Variants in UBE3C observed in about 807,000 individuals in gnomAD.
UBE3C encodes ubiquitin protein ligase E3C.
UBE3C carries 42 observed loss-of-function variants against 129.4 expected under a neutral mutation model. The ratio of observed to expected loss-of-function variants is 0.32; its 90% CI spans 0.25 to 0.42. UBE3C has a LOEUF of 0.42. Ranked by LOEUF, UBE3C falls within the 10% of genes least tolerant of loss-of-function variation. UBE3C has a pLI of 1.00. For missense variants in UBE3C, 1,049 were observed against 1,319.1 expected (o/e 0.80, Z 3.17); for synonymous variants, 510 against 492.4 (o/e 1.04, Z -0.47).
chr7:157,220,642 G>A (rs750306021), intron 14 of UBE3C, 47 bp from the exon 15 acceptor site: 16 of 1,605,654 alleles, frequency 1.0e-5, no homozygotes, highest in Non-Finnish European at 1.4e-5. Flanking sequence ...AGGTCAAAGT[G>A]TGTGCTAGAG....
rs75036909 is a variant in UBE3C, at chr7:157,255,442, T to C, written c.2950+1132T>C. ...TGTATCCATGCGTATGTATCTCTTA[T>C]CTGTAGTTTGCATTGTCCTACATCT... On this transcript the variant is annotated intron_variant, in intron 21 of 22. Transcript: ENST00000348165. Among the ~76,000 whole-genome samples, 289 of 152,368 alleles carry C rather than the reference T, an allele frequency of 1.9e-3. 1 individual carries two copies. The highest frequency in any genetic ancestry group is 6.8e-3 in the African/African-American group (281 of 41,590).
chr7:157,148,748 T>C (rs1427214552), intron 1 of UBE3C, among the ~76,000 whole-genome samples: 1 of 151,266 alleles, frequency 6.6e-6, no homozygotes, highest in East Asian at 1.9e-4. Flanking sequence ...TTTTTTTTTT[T>C]TCCTTTAAGA....
At chr7:157,179,069 T>C (rs942683725) in intron 6 of UBE3C, among the ~76,000 whole-genome samples, 8 of 151,774 alleles carry the variant, frequency 5.3e-5, no homozygotes, top group Non-Finnish European at 1.0e-4. Flanking sequence ...GCTACTCTCT[T>C]TGCCTTTTTC....
intron 22 of UBE3C, among the ~76,000 whole-genome samples, chr7:157,266,761 G>T (rs777021421): frequency 5.3e-5 from 8 of 152,148 alleles, no homozygotes; most frequent in Non-Finnish European, 1.0e-4. Flanking sequence ...TATAGACAGG[G>T]TCTCACTGTG....
chr7:157,192,617 C>G, intron 10 of UBE3C: 1 of 765,182 alleles, frequency 1.3e-6, no homozygotes, highest in Non-Finnish European at 2.4e-6. Flanking sequence ...AGGAGTCTTA[C>G]CCCACTCCCA....
chr7:157,169,227 A>G (rs1252956430), intron 3 of UBE3C, 105 bp downstream of exon 3: 1 of 723,774 alleles, frequency 1.4e-6, no homozygotes, highest in African/African-American at 1.8e-5. Context: ...TGACAGTAGT[A>G]TTCTTCCCAA....
At position 157,269,034 on chromosome 7, in the gene UBE3C, A is replaced by G. The variant is rs1056688082; in HGVS notation, c.*1279A>G. 7.2e-5 allele frequency: 11 copies of G among 152,758 alleles called. No individual in the cohort carries two copies. The highest frequency in any genetic ancestry group is 2.4e-4 in the African/African-American group (10 of 41,570). The allele number at this position is 152,758 out of a possible 1,614,324, so 9.5% of individuals were successfully genotyped here. On this transcript the variant is annotated 3_prime_UTR_variant, in exon 23 of 23. Transcript: ENST00000348165. The stretch of plus-strand genomic sequence containing the variant: ...TATACTTTTAAAGTGGGAAAGCTGA[A>G]TGACACTTTTAAGACAATGAACATT...
chr7:157,233,910 T>C (rs1229566547), intron 18 of UBE3C, among the ~76,000 whole-genome samples: 1 of 152,238 alleles, frequency 6.6e-6, no homozygotes, highest in African/African-American at 2.4e-5. Context: ...TGGGAATTGG[T>C]ATCTCATTGT....
intron 1 of UBE3C, among the ~76,000 whole-genome samples, chr7:157,162,444 C>T (rs756497609): frequency 1.2e-4 from 19 of 152,156 alleles, no homozygotes; most frequent in African/African-American, 4.1e-4. Flanking sequence ...CTGCCCGCCT[C>T]GGCCTCCCAA....
chr7:157,201,354 A>G (rs1325057619), intron 10 of UBE3C, among the ~76,000 whole-genome samples: 1 of 152,086 alleles, frequency 6.6e-6, no homozygotes, highest in Non-Finnish European at 1.5e-5. Context: ...TATAAGCAGT[A>G]ATAACAATAG....
Position 157,254,421 on chromosome 7 carries a change from G to T in UBE3C, c.2950+111G>T, listed in dbSNP as rs555273185. 6.3e-5 allele frequency: 35 copies of T among 552,898 alleles called. No individual in the cohort carries two copies. The African/African-American group carries it at 6.4e-4, about 10-fold the overall frequency. 34.2% of individuals were successfully genotyped at this position (552,898 alleles called of 1,614,324 possible). A position where few individuals can be genotyped will look rare whatever the true frequency, so the allele number is the denominator to read the frequency against. On this transcript the variant is annotated intron_variant, in intron 21 of 22. Transcript: ENST00000348165. Reference sequence around the variant, plus strand: ...TTATTTATTTTTTTTTTTTCAGACTGAGTTTCACTCTTGTCGCCCAGGCTG... The same window carrying T: ...TTATTTATTTTTTTTTTTTCAGACTTAGTTTCACTCTTGTCGCCCAGGCTG...
At chr7:157,184,218 C>T (rs779531494) in intron 9 of UBE3C, among the ~76,000 whole-genome samples, 189 bp downstream of exon 9, 14 of 152,118 alleles carry the variant, frequency 9.2e-5, no homozygotes, top group East Asian at 5.8e-4. Context: ...TTTGTTAGCA[C>T]GTTCATGGAA....
At chr7:157,261,310 A>G (rs970628354) in intron 22 of UBE3C, among the ~76,000 whole-genome samples, 34,023 of 57,316 alleles carry the variant, frequency 0.59, 7,795 homozygotes, top group Non-Finnish European at 0.64. Flanking sequence ...CTGTCTGAAA[A>G]AAAAAAAAAA....
chr7:157,245,802 C>A (rs904845758), intron 18 of UBE3C, among the ~76,000 whole-genome samples: 2 of 151,994 alleles, frequency 1.3e-5, no homozygotes, highest in East Asian at 3.9e-4. Context: ...ACCAGCCTGG[C>A]CAATATGGTG....
intron 10 of UBE3C, chr7:157,188,892 C>A: frequency 3.4e-6 from 2 of 587,332 alleles, no homozygotes; most frequent in African/African-American, 1.8e-5. Context: ...ATATTAGTCC[C>A]TTTTATTTTC....
chr7:157,244,085 G>C (rs1302789235), intron 18 of UBE3C, among the ~76,000 whole-genome samples: 4 of 152,156 alleles, frequency 2.6e-5, no homozygotes, highest in African/African-American at 4.8e-5. Flanking sequence ...ACAAAAATTT[G>C]CTGGGCATGG....
At chr7:157,154,210 A>C (rs564095099) in intron 1 of UBE3C, among the ~76,000 whole-genome samples, 9 of 151,814 alleles carry the variant, frequency 5.9e-5, no homozygotes, top group Non-Finnish European at 1.3e-4. Flanking sequence ...AATCCCAGCA[A>C]CTTGGGAGAC....
At chr7:157,193,084 C>T (rs1177747646) in intron 10 of UBE3C, among the ~76,000 whole-genome samples, 2 of 152,178 alleles carry the variant, frequency 1.3e-5, no homozygotes, top group African/African-American at 2.4e-5. Flanking sequence ...CTAAGGCTTA[C>T]CTCCTACTCT....
rs1303210198 is a variant in UBE3C at position 157,181,511 on chromosome 7, C to G, written c.617-7C>G. Reference sequence around the variant, plus strand: ...ACTAAATTTTAAATATGTGTTTTTCCTTTTAGGGTATTATAGGTCTCTATA... The same window carrying G: ...ACTAAATTTTAAATATGTGTTTTTCGTTTTAGGGTATTATAGGTCTCTATA... On this transcript the variant is annotated splice_region_variant and splice_polypyrimidine_tract_variant and intron_variant, in intron 6 of 22. Transcript: ENST00000348165. 8 of 1,551,296 alleles carry G rather than the reference C, an allele frequency of 5.2e-6. No homozygotes were observed. The African/African-American group carries it at 9.9e-5, about 19-fold the overall frequency.
Sources: gnomAD v4.1 joint callset for allele counts (sites outside exome capture counted in the v4.1 genomes callset) on GRCh38, gnomAD v4.1.1 for gene constraint, MANE v1.5 for transcripts, NCBI Gene and HGNC (gene_info 2026-07-23, HGNC 2026-07-21) for gene names.